Variants in NF1 observed in about 807,000 individuals in gnomAD.
NF1 encodes the protein neurofibromin.
In NF1, 122 loss-of-function variants were observed where a neutral mutation model predicts 325.7. That is an observed-to-expected ratio of 0.37 (90% CI 0.32 to 0.44). The LOEUF (loss-of-function observed/expected upper bound fraction) is 0.44. NF1 is among the 20% of genes least tolerant of loss of function. The pLI is 1.00. For synonymous variants in NF1, 1,091 were observed against 1,186.0 expected, an observed-to-expected ratio of 0.92 and a Z score of 1.65; for missense variants, 2,140 against 3,415.4, an observed-to-expected ratio of 0.63 and a Z score of 9.31.
In NF1 at chr17:31,182,907, C is replaced by G. The variant is rs1018121123; in HGVS notation, c.888+242C>G. 3 of 601,234 alleles carry G rather than the reference C, an allele frequency of 5.0e-6. No individual in the cohort carries two copies. In the Admixed American group the frequency reaches 8.9e-5, roughly 18 times the overall value. The allele number at this position is 601,234 out of a possible 1,614,324, so 37.2% of individuals were successfully genotyped here. Reference sequence around the variant, plus strand: ...TTTAAAATAATCCCTTAGTTTCATTCTTTTGTCTGAGAAGACTAAACGATA... The same window carrying G: ...TTTAAAATAATCCCTTAGTTTCATTGTTTTGTCTGAGAAGACTAAACGATA... On this transcript the variant is annotated intron_variant, in intron 8 of 57. Transcript: ENST00000358273.
At chr17:31,190,070 T>G (rs1567830389) in intron 8 of NF1, among the ~76,000 whole-genome samples, 1 of 143,598 alleles carries the variant, frequency 7.0e-6, no homozygotes, top group Non-Finnish European at 1.5e-5. Context: ...CTAAAAAATG[T>G]ATTTTTAAAA....
At chr17:31,184,307 C>T (rs2066191592) in intron 8 of NF1, among the ~76,000 whole-genome samples, 1 of 152,156 alleles carries the variant, frequency 6.6e-6, no homozygotes, top group Non-Finnish European at 1.5e-5. Context: ...AACCAAGGAA[C>T]ATAATGAAGC....
chr17:31,100,532 G>A (rs1912225066), intron 1 of NF1, among the ~76,000 whole-genome samples: 1 of 151,638 alleles, frequency 6.6e-6, no homozygotes, highest in African/African-American at 2.4e-5. Context: ...CTTTGCTTCG[G>A]AATTTTTTAA....
intron 1 of NF1, among the ~76,000 whole-genome samples, chr17:31,144,234 T>C (rs1460369807): frequency 1.3e-5 from 2 of 152,244 alleles, no homozygotes; most frequent in African/African-American, 4.8e-5. Flanking sequence ...AAATCTATTA[T>C]AACATCTCAC....
chr17:31,186,396 T>C (rs550440822), intron 8 of NF1, among the ~76,000 whole-genome samples: 3 of 152,210 alleles, frequency 2.0e-5, no homozygotes, highest in African/African-American at 7.2e-5. Flanking sequence ...CCCTGAAGCA[T>C]AGTGGTGAAG....
chr17:31,242,305 C>CTCTTTT (rs1567855418), intron 29 of NF1, among the ~76,000 whole-genome samples: 1 of 68,850 alleles, frequency 1.5e-5, no homozygotes, highest in African/African-American at 6.3e-5. Flanking sequence ...CATAAGTTCT[C>CTCTTTT]TTTTTTTTTT....
chr17:31,188,061 G>C (rs1386068496), intron 8 of NF1, among the ~76,000 whole-genome samples: 4 of 152,170 alleles, frequency 2.6e-5, no homozygotes, highest in African/African-American at 4.8e-5. Context: ...CTGTGATTAA[G>C]GTAAATGGGA....
chr17:31,373,123 C>T (rs1416420692), intron 57 of NF1, among the ~76,000 whole-genome samples: 6 of 152,070 alleles, frequency 3.9e-5, no homozygotes, highest in Non-Finnish European at 8.8e-5. Flanking sequence ...AATGACTTGG[C>T]ATAGCTGAAA....
intron 1 of NF1, among the ~76,000 whole-genome samples, chr17:31,120,392 A>G (rs1914323747): frequency 6.6e-6 from 1 of 152,172 alleles, no homozygotes; most frequent in African/African-American, 2.4e-5. Flanking sequence ...GAATTCACTC[A>G]TGATTTGGCT....
chr17:31,336,597 T>TC lies in NF1; in HGVS notation c.6148-38_6148-37insC, dbSNP rs66708039. 3 of 724,036 alleles carry TC rather than the reference T, an allele frequency of 4.1e-6. No individual in the cohort carries two copies. The African/African-American group carries it at 6.6e-5, about 16-fold the overall frequency. The allele number at this position is 724,036 out of a possible 1,614,324, so 44.9% of individuals were successfully genotyped here. On this transcript the variant is annotated intron_variant, in intron 41 of 57. Transcript: ENST00000358273. The surrounding 1 kb of genome is among the most constrained non-coding windows in gnomAD (Gnocchi z 5.5). The stretch of plus-strand genomic sequence containing the variant: ...TTGTGCTAAAACTTTGAGTCCCATG[T>TC]TTTTTTTTTTAAAAAAAAAAATCCT...
chr17:31,200,694 C>G, intron 9 of NF1, 99 bp downstream of exon 9: 2 of 1,357,548 alleles, frequency 1.5e-6, no homozygotes, highest in South Asian at 1.2e-5. Context: ...CATTAAAGTT[C>G]TGACTCTTCG....
intron 5 of NF1, among the ~76,000 whole-genome samples, chr17:31,179,739 T>A (rs1481337214): frequency 6.6e-6 from 1 of 150,808 alleles, no homozygotes; most frequent in African/African-American, 2.4e-5. Context: ...GCCAGGATCG[T>A]GCAACTGCAC....
intron 1 of NF1, among the ~76,000 whole-genome samples, chr17:31,123,503 C>G (rs1291692629): frequency 1.3e-5 from 2 of 152,142 alleles, no homozygotes; most frequent in Non-Finnish European, 2.9e-5. Flanking sequence ...CCAGCCTAGT[C>G]TCTAACTTCT....
chr17:31,330,401 C>A lies in NF1; in HGVS notation c.5715C>A (p.Thr1905=), dbSNP rs1060503892. 1 of 1,613,706 alleles carries A rather than the reference C, an allele frequency of 6.2e-7. No homozygotes were observed. The highest frequency in any genetic ancestry group is 8.5e-7 in the Non-Finnish European group (1 of 1,179,680). Residue 1905 remains threonine, a synonymous_variant, in exon 39 of 58, where the codon ACC becomes ACA. Transcript: ENST00000358273. ...GTTTATGTATCCCTGCCAACAACAC[C>A]CTCTTTATTGTCTCTATTAGTAAGA... The part of the protein sequence containing the change: ...TSGLCIPANN[T]LFIVSISKTL...
In NF1 at chr17:31,305,190, C is replaced by G. The variant is rs748149011; in HGVS notation, c.4836-20630C>G. 39 of 1,613,924 alleles carry G rather than the reference C, an allele frequency of 2.4e-5. No homozygotes were observed. Among genetic ancestry groups the G allele is most frequent in the Non-Finnish European group, 3.3e-5 (39 of 1,180,020 alleles). On this transcript the variant is annotated intron_variant, in intron 36 of 57. Transcript: ENST00000358273. ...GTTGAGTAAAAGTATAGACAAATGACTTTGGTGGTTGTGTGGTAGAAGTAC... is the reference window on the plus strand; with the variant it reads ...GTTGAGTAAAAGTATAGACAAATGAGTTTGGTGGTTGTGTGGTAGAAGTAC...
At chr17:31,124,446 G>A (rs895969871) in intron 1 of NF1, among the ~76,000 whole-genome samples, 4 of 148,756 alleles carry the variant, frequency 2.7e-5, no homozygotes, top group Non-Finnish European at 5.9e-5. Flanking sequence ...TTAACTGCAC[G>A]TATAATATTC....
chr17:31,253,218 A>G (rs1423133483), intron 31 of NF1: 7 of 509,490 alleles, frequency 1.4e-5, no homozygotes, highest in Middle Eastern at 5.4e-4. Context: ...CCCAAAGGCA[A>G]TTTGTGGGCA....
At position 31,097,749 on chromosome 17, in the gene NF1, T is replaced by C. The variant is rs74678114; in HGVS notation, c.60+2380T>C. 6.8e-4 allele frequency among the ~76,000 whole-genome samples: 103 copies of C among 152,206 alleles called. 1 individual carries two copies. Among genetic ancestry groups the C allele is most frequent in the African/African-American group, 2.5e-3 (103 of 41,538 alleles). Reference sequence around the variant, plus strand: ...TCTTGCTCTGTCGCCCACGCTGGAGTGCAGTAGCTTGATGTCGGTTCATTG... The same window carrying C: ...TCTTGCTCTGTCGCCCACGCTGGAGCGCAGTAGCTTGATGTCGGTTCATTG... On this transcript the variant is annotated intron_variant, in intron 1 of 57. Transcript: ENST00000358273.
At chr17:31,283,682 A>G (rs755560803) in intron 36 of NF1, among the ~76,000 whole-genome samples, 1 of 152,018 alleles carries the variant, frequency 6.6e-6, no homozygotes, top group Non-Finnish European at 1.5e-5. Flanking sequence ...TTGTAGAGAC[A>G]GGGTTTGTCA....
Sources: gnomAD v4.1 joint callset for allele counts (sites outside exome capture counted in the v4.1 genomes callset) on GRCh38, gnomAD v4.1.1 for gene constraint, Gnocchi (gnomAD v3.1) non-coding constraint, MANE v1.5 for transcripts, NCBI Gene and HGNC (gene_info 2026-07-23, HGNC 2026-07-21) for gene names.